FAM153A: variants seen among roughly 807,000 people sequenced by gnomAD.
FAM153A encodes the protein protein FAM153A.
Under a neutral mutation model 48.1 loss-of-function variants are expected in FAM153A, and 12 were observed. That is an observed-to-expected ratio of 0.25 (90% CI 0.16 to 0.40). FAM153A has a LOEUF of 0.40. FAM153A is among the 10% of genes least tolerant of loss of function. The pLI, the probability that FAM153A is intolerant of heterozygous loss-of-function variation, is 1.00. For missense variants in FAM153A, 111 were observed against 345.8 expected, an observed-to-expected ratio of 0.32 and a Z score of 5.38; for synonymous variants, 36 against 118.2, an observed-to-expected ratio of 0.30 and a Z score of 4.51.
the FAM153A span, among the ~76,000 whole-genome samples, chr5:177,700,165 A>AAT: frequency 3.3e-5 from 5 of 151,958 alleles, no homozygotes; most frequent in African/African-American, 1.2e-4. Context: ...AAAAACAATG[A>AAT]ATAAACTAGG....
rs1306407184 is a variant in FAM153A, at chr5:177,772,348, C to G, written c.-57+8101G>C. 1.2e-3 allele frequency among the ~76,000 whole-genome samples: 88 copies of G among 75,234 alleles called. 19 individuals carry two copies. In the Admixed American group the frequency reaches 0.013, roughly 11 times the overall value. 49.4% of individuals were successfully genotyped at this position (75,234 alleles called of 152,430 possible). On this transcript the variant is annotated intron_variant, in intron 1 of 8. Coordinates refer to the FAM153A transcript ENST00000393518. ...ATTTCTGCATTTCCATCTGAGGTAC[C>G]GGGTTCATCTCACTAGGGAGTGCCA...
the FAM153A span, among the ~76,000 whole-genome samples, chr5:177,696,680 C>A: frequency 7.0e-6 from 1 of 142,458 alleles, no homozygotes; most frequent in South Asian, 2.2e-4. Context: ...TTTTTTTTTT[C>A]TTTTTCTAGA....
chr5:177,731,100 C>T (rs1273640185), intron 16 of FAM153A, among the ~76,000 whole-genome samples: 1 of 58,470 alleles, frequency 1.7e-5, no homozygotes, highest in Non-Finnish European at 3.3e-5. Context: ...TACTGGACTC[C>T]CAGTTTGTTG....
chr5:177,753,300 A>G (rs899708457), upstream of FAM153A: 180 of 1,125,132 alleles, frequency 1.6e-4, no homozygotes, highest in Non-Finnish European at 2.2e-4. Context: ...ATATCATCAG[A>G]TCACCTCAGC....
rs1286189192 is a variant in FAM153A at position 177,771,699 on chromosome 5, A to G, written c.-57+8750T>C. 6.2e-5 allele frequency among the ~76,000 whole-genome samples: 6 copies of G among 97,170 alleles called. 2 individuals carry two copies. Among genetic ancestry groups the G allele is most frequent in the East Asian group, 3.2e-4 (1 of 3,170 alleles). The allele number at this position is 97,170 out of a possible 152,430, so 63.7% of individuals were successfully genotyped here. ...CGTGTCTAAAGTGTTTATAGAAACA[A>G]TGCGGTTACTTCTGAGCAGCTGCTT... is the stretch of plus-strand genomic sequence containing the variant. On this transcript the variant is annotated intron_variant, in intron 1 of 8. Coordinates refer to the FAM153A transcript ENST00000393518.
rs1385724782 is a variant in FAM153A, at chr5:177,738,699, C to T, written c.562+414G>A. ...GGGATATTAAACTGGCCTTCAGCTA[C>T]AGCTGTGGTGGAGGATAAATGGGCA... On this transcript the variant is annotated intron_variant, in intron 10 of 20. Coordinates refer to ENST00000614127, the Ensembl canonical transcript of FAM153A. Among the ~76,000 whole-genome samples the T allele has an allele frequency of 3.3e-5, 5 of 151,172 alleles. No individual in the cohort carries two copies. In the East Asian group the frequency reaches 5.8e-4, roughly 17 times the overall value.
chr5:177,697,892 A>G, the FAM153A span, among the ~76,000 whole-genome samples: 1 of 150,380 alleles, frequency 6.6e-6, no homozygotes, highest in Admixed American at 6.6e-5. Context: ...CCCCCGTCTT[A>G]GGACCTGAGT....
chr5:177,703,510 G>GT (rs1208159101), downstream of FAM153A, among the ~76,000 whole-genome samples: 7 of 149,534 alleles, frequency 4.7e-5, no homozygotes, highest in African/African-American at 1.7e-4. Flanking sequence ...GCTGGAATGA[G>GT]TTAAGACTTT....
upstream of FAM153A, among the ~76,000 whole-genome samples, chr5:177,754,130 T>C (rs1767411496): frequency 6.6e-6 from 1 of 151,720 alleles, no homozygotes; most frequent in South Asian, 2.1e-4. Flanking sequence ...ATCAGGTCAC[T>C]CCCACCCTAA....
chr5:177,768,895 T>C (rs6894129), intron 1 of FAM153A, among the ~76,000 whole-genome samples: 20,828 of 74,674 alleles, frequency 0.28, 3,760 homozygotes, highest in Middle Eastern at 0.35. Context: ...TCTCATTACA[T>C]GGGCATTGTA....
downstream of FAM153A, among the ~76,000 whole-genome samples, chr5:177,709,048 C>T (rs1367683667): frequency 2.4e-5 from 3 of 124,042 alleles, no homozygotes; most frequent in African/African-American, 6.2e-5. Context: ...TGAGCCGAGA[C>T]TGCGCCACTG....
At chr5:177,759,949 A>G (rs1487992112) in intron 1 of FAM153A, among the ~76,000 whole-genome samples, 1 of 149,846 alleles carries the variant, frequency 6.7e-6, no homozygotes, top group African/African-American at 2.5e-5. Flanking sequence ...AACTTATAGT[A>G]TAATAAACAA....
the FAM153A span, among the ~76,000 whole-genome samples, chr5:177,699,263 A>C: frequency 3.3e-5 from 5 of 151,604 alleles, no homozygotes; most frequent in African/African-American, 1.2e-4. Flanking sequence ...TCAATAACTT[A>C]AACTTCCACT....
downstream of FAM153A, among the ~76,000 whole-genome samples, chr5:177,709,360 AT>A (rs70994932): frequency 0.36 from 44,208 of 124,068 alleles, 7,748 homozygotes; most frequent in South Asian, 0.43. Context: ...TGTAATTAGG[AT>A]TTTTTTTTTT....
chr5:177,714,197 TG>T (rs531863846), intron 25 of FAM153A: 25 of 150,722 alleles, frequency 1.7e-4, no homozygotes, highest in Non-Finnish European at 2.8e-4. Context: ...AAAAAGGGAT[TG>T]ATTTATGAAA....
chr5:177,758,991 A>G (rs1768033548), intron 1 of FAM153A, among the ~76,000 whole-genome samples: 1 of 151,820 alleles, frequency 6.6e-6, no homozygotes, highest in Non-Finnish European at 1.5e-5. Context: ...TAATTAAACT[A>G]AAGAGCTTCT....
exon 17 of FAM153A, chr5:177,729,544 C>T: frequency 6.2e-7 from 1 of 1,609,226 alleles, no homozygotes; most frequent in South Asian, 1.1e-5. Context: ...TCCTCCAGGT[C>T]TTCCAGGTCA....
At chr5:177,752,426 G>T (rs1345497345) in intron 1 of FAM153A, among the ~76,000 whole-genome samples, 1 of 105,468 alleles carries the variant, frequency 9.5e-6, no homozygotes, top group Non-Finnish European at 1.9e-5. Context: ...TTCAAGACCA[G>T]CCTGGTCAAT....
downstream of FAM153A, among the ~76,000 whole-genome samples, chr5:177,706,306 C>T (rs1582096926): frequency 2.6e-5 from 4 of 151,948 alleles, no homozygotes; most frequent in South Asian, 8.3e-4. Context: ...ACGCCATTCT[C>T]CTGCCTCAGC....
Sources: allele counts gnomAD v4.1 joint callset (sites outside exome capture counted in the v4.1 genomes callset), GRCh38; gene constraint gnomAD v4.1.1; transcripts MANE v1.5; gene names NCBI Gene and HGNC (gene_info 2026-07-23, HGNC 2026-07-21).